The following PDE7B variants were observed in gnomAD, a reference collection of about 807,000 sequenced individuals.
PDE7B encodes phosphodiesterase 7B.
In PDE7B, 29 loss-of-function variants were observed where a neutral mutation model predicts 56.2. The ratio of observed to expected loss-of-function variants is 0.52; its 90% CI spans 0.38 to 0.70. PDE7B has a LOEUF of 0.70. Ranked by LOEUF, PDE7B falls within the 30% of genes least tolerant of loss-of-function variation. The pLI, the probability that PDE7B is intolerant of heterozygous loss-of-function variation, is 0.00. For synonymous variants in PDE7B, 197 were observed against 196.9 expected, an observed-to-expected ratio of 1.00 and a Z score of 0.00; for missense variants, 490 against 565.0, an observed-to-expected ratio of 0.87 and a Z score of 1.35.
At chr6:136,098,713 T>C (rs1428049541) in intron 2 of PDE7B, among the ~76,000 whole-genome samples, 1 of 152,180 alleles carries the variant, frequency 6.6e-6, no homozygotes, top group Non-Finnish European at 1.5e-5. Flanking sequence ...GGATTGTTAA[T>C]TATCTGAGTG....
chr6:135,979,584 C>G (rs1359963731), intron 2 of PDE7B, among the ~76,000 whole-genome samples: 1 of 152,150 alleles, frequency 6.6e-6, no homozygotes, highest in East Asian at 1.9e-4. Flanking sequence ...AGAGATTCAA[C>G]TTCTTCCTGG....
intron 2 of PDE7B, among the ~76,000 whole-genome samples, chr6:136,088,979 T>C (rs1157036603): frequency 6.6e-6 from 1 of 151,576 alleles, no homozygotes; most frequent in African/African-American, 2.4e-5. Context: ...CCCCAGCCTG[T>C]ATGCCTTTCC....
intron 2 of PDE7B, 85 bp downstream of exon 2, chr6:135,947,609 A>T: frequency 9.8e-7 from 1 of 1,015,330 alleles, no homozygotes; most frequent in South Asian, 1.3e-5. Context: ...GCTGTCTCTC[A>T]TTCTGTTTTG....
Position 135,872,647 on chromosome 6 carries a change from T to C in PDE7B, c.21+20628T>C, listed in dbSNP as rs530788973. Reference sequence around the variant, plus strand: ...TGGACCCTCCCTACCTAACAAAGTCTCACAAGGTGAACTCATTCTATGTTT... The same window carrying C: ...TGGACCCTCCCTACCTAACAAAGTCCCACAAGGTGAACTCATTCTATGTTT... On this transcript the variant is annotated intron_variant, in intron 1 of 12. Transcript: ENST00000308191. Among the ~76,000 whole-genome samples, 3 of 152,270 alleles carry C rather than the reference T, an allele frequency of 2.0e-5. No homozygotes were observed. The East Asian group carries it at 5.8e-4, about 29-fold the overall frequency.
intron 2 of PDE7B, among the ~76,000 whole-genome samples, chr6:135,977,442 A>G (rs1428820539): frequency 6.6e-6 from 1 of 151,472 alleles, no homozygotes; most frequent in African/African-American, 2.4e-5. Context: ...GCAGAAAACT[A>G]CTCAAACAGT....
intron 4 of PDE7B, among the ~76,000 whole-genome samples, chr6:136,148,470 A>AGGCAGGCAGGCAGGCAGGC (rs374978896): frequency 0.051 from 6,620 of 130,030 alleles, 329 homozygotes; most frequent in Middle Eastern, 0.081. Flanking sequence ...GGAAGGAAGG[A>AGGCAGGCAGGCAGGCAGGC]AGGCAGGCAG....
chr6:136,171,441 G>A (rs929051415), intron 8 of PDE7B, among the ~76,000 whole-genome samples: 2 of 152,154 alleles, frequency 1.3e-5, no homozygotes, highest in African/African-American at 2.4e-5. Context: ...CGACTCAGGA[G>A]TCTGAATGTG....
At chr6:136,006,274 G>A (rs948765312) in intron 2 of PDE7B, among the ~76,000 whole-genome samples, 12 of 151,136 alleles carry the variant, frequency 7.9e-5, no homozygotes, top group Admixed American at 3.9e-4. Flanking sequence ...GTTAATGGGT[G>A]CAGCACACCA....
chr6:136,100,035 T>C (rs559293170), intron 2 of PDE7B, among the ~76,000 whole-genome samples: 5 of 152,360 alleles, frequency 3.3e-5, no homozygotes, highest in African/African-American at 1.2e-4. Flanking sequence ...TAGGGAATCC[T>C]TTCCCAATTG....
At chr6:136,172,924 T>C (rs1778915594) in intron 8 of PDE7B, among the ~76,000 whole-genome samples, 2 of 151,950 alleles carry the variant, frequency 1.3e-5, no homozygotes, top group Admixed American at 1.3e-4. Flanking sequence ...GAGAATAAAA[T>C]ACCTAGGAAT....
intron 2 of PDE7B, among the ~76,000 whole-genome samples, chr6:136,025,147 C>T (rs369364320): frequency 5.9e-5 from 9 of 152,264 alleles, no homozygotes; most frequent in East Asian, 3.9e-4. Context: ...CAATCCCACA[C>T]GGAACTCTCT....
At chr6:135,950,205 T>C (rs1345781860) in intron 2 of PDE7B, among the ~76,000 whole-genome samples, 1 of 152,066 alleles carries the variant, frequency 6.6e-6, no homozygotes, top group Non-Finnish European at 1.5e-5. Context: ...AGCACGTAAG[T>C]CCCTAAAACT....
In PDE7B at chr6:135,874,424, G is replaced by A. The variant is rs149470172; in HGVS notation, c.21+22405G>A. ...TGAACATCACAACCTTTGAAAGAGG[G>A]TATATTCACTGTGGTCCATTTCTAA... On this transcript the variant is annotated intron_variant, in intron 1 of 12. Coordinates refer to ENST00000308191, the MANE Select transcript of PDE7B (RefSeq NM_018945.4). Among the ~76,000 whole-genome samples the A allele has an allele frequency of 3.9e-3, 586 of 152,174 alleles. 5 individuals carry two copies. The highest frequency in any genetic ancestry group is 0.013 in the African/African-American group (551 of 41,528).
At chr6:135,873,379 C>T (rs1212332820) in intron 1 of PDE7B, among the ~76,000 whole-genome samples, 1 of 152,148 alleles carries the variant, frequency 6.6e-6, no homozygotes, top group Non-Finnish European at 1.5e-5. Flanking sequence ...TTTGAGTCCA[C>T]AAATATGCAC....
intron 2 of PDE7B, among the ~76,000 whole-genome samples, chr6:136,085,859 C>T (rs940687257): frequency 4.6e-5 from 7 of 152,146 alleles, no homozygotes; most frequent in Non-Finnish European, 1.0e-4. Context: ...GGAGCACAGG[C>T]CAACAACAAA....
At chr6:136,058,599 T>A (rs1196058430) in intron 2 of PDE7B, among the ~76,000 whole-genome samples, 2 of 152,226 alleles carry the variant, frequency 1.3e-5, no homozygotes. Flanking sequence ...CCCTAGTTTA[T>A]GATATTCCAA....
chr6:136,085,336 G>A (rs1777274543), intron 2 of PDE7B, among the ~76,000 whole-genome samples: 1 of 152,042 alleles, frequency 6.6e-6, no homozygotes, highest in African/African-American at 2.4e-5. Context: ...ATATATATAT[G>A]TTTTTGCTAG....
At chr6:135,904,921 T>C (rs745478950) in intron 1 of PDE7B, among the ~76,000 whole-genome samples, 4 of 152,198 alleles carry the variant, frequency 2.6e-5, no homozygotes, top group Non-Finnish European at 5.9e-5. Context: ...GACAGAACTT[T>C]TAGGATTCCT....
At chr6:135,955,367 C>A (rs1025203416) in intron 2 of PDE7B, among the ~76,000 whole-genome samples, 2 of 152,046 alleles carry the variant, frequency 1.3e-5, no homozygotes, top group Admixed American at 1.3e-4. Flanking sequence ...AAGCTCCAGA[C>A]AGCCCTGGAG....
Sources: gnomAD v4.1 joint callset for allele counts (sites outside exome capture counted in the v4.1 genomes callset) on GRCh38, gnomAD v4.1.1 for gene constraint, MANE v1.5 for transcripts, NCBI Gene and HGNC (gene_info 2026-07-23, HGNC 2026-07-21) for gene names.